CNTNAP2: variants seen among roughly 807,000 people sequenced by gnomAD.
The protein encoded by CNTNAP2 is contactin-associated protein-like 2.
CNTNAP2 carries 98 observed loss-of-function variants against 155.2 expected under a neutral mutation model. That is an observed-to-expected ratio of 0.63 (90% confidence interval 0.54 to 0.75). CNTNAP2 has a LOEUF of 0.75. Among genes scored for constraint, CNTNAP2 ranks in the 30% least tolerant of loss-of-function variants. CNTNAP2 has a pLI of 0.00. For missense variants in CNTNAP2, 1,727 were observed against 1,688.1 expected, an observed-to-expected ratio of 1.02 and a Z score of -0.40; for synonymous variants, 651 against 631.2, an observed-to-expected ratio of 1.03 and a Z score of -0.47.
At chr7:148,284,641 T>C (rs1158448736) in intron 21 of CNTNAP2, among the ~76,000 whole-genome samples, 2 of 151,396 alleles carry the variant, frequency 1.3e-5, no homozygotes, top group African/African-American at 4.9e-5. Context: ...GTGCTTCCTA[T>C]AGCATAAAGA....
At position 148,174,217 on chromosome 7, in the gene CNTNAP2, A is replaced by G. The variant is rs566674898; in HGVS notation, c.3010+1739A>G. Among the ~76,000 whole-genome samples the G allele has an allele frequency of 1.9e-4, 29 of 152,376 alleles. No individual in the cohort carries two copies. The South Asian group carries it at 5.4e-3, about 28-fold the overall frequency. ...ACATATTTGGAAATCATTTATGAGC[A>G]TCCTTCTGAGTCAAGTACCTCCTTG... On this transcript the variant is annotated intron_variant, in intron 18 of 23. Coordinates refer to ENST00000361727, the MANE Select transcript of CNTNAP2 (RefSeq NM_014141.6).
intron 1 of CNTNAP2, among the ~76,000 whole-genome samples, chr7:146,547,024 C>T (rs1212631220): frequency 1.3e-5 from 2 of 151,852 alleles, no homozygotes; most frequent in East Asian, 3.9e-4. Context: ...GCAGGGGAGT[C>T]GTTTAGGTCG....
At chr7:146,138,724 G>A (rs1422949451) in intron 1 of CNTNAP2, among the ~76,000 whole-genome samples, 1 of 151,986 alleles carries the variant, frequency 6.6e-6, no homozygotes. Flanking sequence ...ATATCATGGG[G>A]AAATCTGTTG....
At chr7:146,681,298 G>A (rs1397090109) in intron 1 of CNTNAP2, among the ~76,000 whole-genome samples, 1 of 149,212 alleles carries the variant, frequency 6.7e-6, no homozygotes, top group Non-Finnish European at 1.5e-5. Flanking sequence ...GGGAAAGCTA[G>A]GATTACAAAT....
At chr7:147,422,527 C>T (rs1197687952) in intron 10 of CNTNAP2, among the ~76,000 whole-genome samples, 2 of 151,964 alleles carry the variant, frequency 1.3e-5, no homozygotes, top group Admixed American at 6.6e-5. Context: ...GCAAATAAGC[C>T]TATGCCTCAT....
intron 9 of CNTNAP2, among the ~76,000 whole-genome samples, chr7:147,378,524 G>T (rs1032979079): frequency 2.0e-5 from 3 of 151,988 alleles, no homozygotes; most frequent in South Asian, 2.1e-4. Context: ...AACTATGTGC[G>T]TTCTCACTCA....
intron 20 of CNTNAP2, among the ~76,000 whole-genome samples, chr7:148,255,752 C>T (rs200664336): frequency 4.6e-4 from 70 of 152,168 alleles, no homozygotes; most frequent in African/African-American, 1.5e-3. Context: ...AATTGCTTAT[C>T]AAGCCATTAG....
At chr7:147,785,992 A>AAAAAGAAAG (rs1408440732) in intron 13 of CNTNAP2, among the ~76,000 whole-genome samples, 1 of 151,716 alleles carries the variant, frequency 6.6e-6, no homozygotes, top group Non-Finnish European at 1.5e-5. Context: ...ACTCTGTCTC[A>AAAAAGAAAG]AAAAGAAAGA....
chr7:148,275,801 G>T (rs568471778), intron 21 of CNTNAP2, among the ~76,000 whole-genome samples: 2 of 152,260 alleles, frequency 1.3e-5, no homozygotes, highest in African/African-American at 4.8e-5. Flanking sequence ...CACCATTCTT[G>T]CCATATGCTA....
At chr7:146,452,092 A>G (rs1229405209) in intron 1 of CNTNAP2, among the ~76,000 whole-genome samples, 5 of 151,520 alleles carry the variant, frequency 3.3e-5, no homozygotes, top group Admixed American at 2.0e-4. Flanking sequence ...TATTTTTAGT[A>G]GAGACGGGGT....
At chr7:147,632,802 G>C (rs1207385882) in intron 12 of CNTNAP2, among the ~76,000 whole-genome samples, 3 of 152,144 alleles carry the variant, frequency 2.0e-5, no homozygotes, top group Non-Finnish European at 4.4e-5. Flanking sequence ...TTGTTGAATG[G>C]TTTTGACCAA....
intron 1 of CNTNAP2, among the ~76,000 whole-genome samples, chr7:146,554,531 T>G (rs1798168410): frequency 6.6e-6 from 1 of 152,188 alleles, no homozygotes; most frequent in South Asian, 2.1e-4. Flanking sequence ...GTCCCACATA[T>G]TTTTTTCTGA....
chr7:146,533,398 C>A (rs1194898719), intron 1 of CNTNAP2, among the ~76,000 whole-genome samples: 1 of 151,746 alleles, frequency 6.6e-6, no homozygotes, highest in Non-Finnish European at 1.5e-5. Flanking sequence ...GATAAAGCAA[C>A]CAAGGGAAAA....
At chr7:146,545,735 G>A (rs1223654900) in intron 1 of CNTNAP2, among the ~76,000 whole-genome samples, 1 of 151,894 alleles carries the variant, frequency 6.6e-6, no homozygotes, top group Non-Finnish European at 1.5e-5. Context: ...TGCTGGGAGT[G>A]TAAATTAGTT....
chr7:146,853,142 C>T (rs753146687), intron 3 of CNTNAP2, among the ~76,000 whole-genome samples: 10 of 152,156 alleles, frequency 6.6e-5, no homozygotes, highest in Non-Finnish European at 1.2e-4. Context: ...GTGATTATGA[C>T]ATAGCAGGAA....
At chr7:148,126,625 G>A (rs1804721592) in intron 16 of CNTNAP2, among the ~76,000 whole-genome samples, 1 of 152,178 alleles carries the variant, frequency 6.6e-6, no homozygotes, top group East Asian at 1.9e-4. Flanking sequence ...CCAGAGTAGT[G>A]TTGGTTGGTC....
At chr7:146,949,284 C>T (rs1174689350) in intron 3 of CNTNAP2, among the ~76,000 whole-genome samples, 1 of 152,156 alleles carries the variant, frequency 6.6e-6, no homozygotes, top group Non-Finnish European at 1.5e-5. Context: ...AAGCTTCTGC[C>T]CCAGGGCATT....
Position 146,349,964 on chromosome 7 carries a change from G to A in CNTNAP2, c.97+232991G>A, listed in dbSNP as rs568025538. ...TATGTGTCTTGGAGTTGCTCTTCTC[G>A]AGGAGTATCTCTGTGGCGTTCTTTG... On this transcript the variant is annotated intron_variant, in intron 1 of 23. Coordinates refer to ENST00000361727, the MANE Select transcript of CNTNAP2 (RefSeq NM_014141.6). 6.6e-5 allele frequency among the ~76,000 whole-genome samples: 10 copies of A among 151,380 alleles called. No individual in the cohort carries two copies. The South Asian group carries it at 2.1e-3, about 31-fold the overall frequency.
chr7:147,032,282 A>G (rs1190954126), intron 3 of CNTNAP2, among the ~76,000 whole-genome samples: 1 of 152,246 alleles, frequency 6.6e-6, no homozygotes, highest in Non-Finnish European at 1.5e-5. Flanking sequence ...GAATTTCAGA[A>G]TGAGCATCAA....
Sources: allele counts gnomAD v4.1 joint callset (sites outside exome capture counted in the v4.1 genomes callset), GRCh38; gene constraint gnomAD v4.1.1; transcripts MANE v1.5; gene names NCBI Gene and HGNC (gene_info 2026-07-23, HGNC 2026-07-21).